The following DACH2 variants were observed in gnomAD, a reference collection of about 807,000 sequenced individuals.
DACH2 encodes the protein dachshund family transcription factor 2, also known as dachshund homolog 2.
Under a neutral mutation model 35.8 loss-of-function variants are expected in DACH2, and 17 were observed. The observed-to-expected ratio is 0.48, with a 90% CI of 0.33 to 0.71. The LOEUF is 0.71. Among genes scored for constraint, DACH2 ranks in the 30% least tolerant of loss-of-function variants. DACH2 has a pLI of 0.02. For synonymous variants in DACH2, 195 were observed against 177.3 expected (o/e 1.10, Z -0.79); for missense variants, 469 against 472.7 (o/e 0.99, Z 0.07).
At chrX:86,593,304 A>T (rs1205638373) in intron 3 of DACH2, among the ~76,000 whole-genome samples, 2 of 110,413 alleles carry the variant, frequency 1.8e-5, no homozygotes, top group Non-Finnish European at 3.8e-5. Flanking sequence ...TTCTCTTGAT[A>T]TAACTGATTA....
intron 2 of DACH2, among the ~76,000 whole-genome samples, chrX:86,449,703 T>G (rs1345208611): frequency 9.0e-6 from 1 of 111,346 alleles, no homozygotes; most frequent in Non-Finnish European, 1.9e-5. Context: ...ATAAAAAACA[T>G]CTTACAGATA....
intron 6 of DACH2, 68 bp from the exon 7 acceptor site, chrX:86,739,679 A>C: frequency 1.8e-6 from 2 of 1,132,160 alleles, no homozygotes. Flanking sequence ...TTTCAAATGT[A>C]GAGACTCAAC....
chrX:86,745,109 A>G (rs1291966703), intron 7 of DACH2, among the ~76,000 whole-genome samples: 1 of 111,655 alleles, frequency 9.0e-6, no homozygotes, highest in Non-Finnish European at 1.9e-5. Flanking sequence ...GAAATAGTGG[A>G]ACAATAAATT....
chrX:86,430,672 C>A (rs1029939053), intron 2 of DACH2, among the ~76,000 whole-genome samples: 1 of 111,951 alleles, frequency 8.9e-6, no homozygotes, highest in South Asian at 3.7e-4. Context: ...TGCCTATTAT[C>A]GTACTGGTCA....
At chrX:86,150,501 A>G (rs1361022798) in intron 1 of DACH2, among the ~76,000 whole-genome samples, 1 of 111,951 alleles carries the variant, frequency 8.9e-6, no homozygotes, top group Non-Finnish European at 1.9e-5. Context: ...CTTACAAGGG[A>G]AGCTTTTTCC....
intron 3 of DACH2, among the ~76,000 whole-genome samples, chrX:86,539,417 CA>C (rs752716639): frequency 9.0e-6 from 1 of 111,689 alleles, no homozygotes; most frequent in African/African-American, 3.2e-5. Context: ...CTAATACAGA[CA>C]CCTTCCAGAA....
At chrX:86,466,072 G>A (rs1169460700) in intron 2 of DACH2, among the ~76,000 whole-genome samples, 1 of 111,558 alleles carries the variant, frequency 9.0e-6, no homozygotes, top group Non-Finnish European at 1.9e-5. Context: ...GGAAAAACAG[G>A]TTTAATTAGA....
At chrX:86,383,515 A>T (rs909838607) in intron 2 of DACH2, among the ~76,000 whole-genome samples, 2 of 103,097 alleles carry the variant, frequency 1.9e-5, no homozygotes, top group Non-Finnish European at 4.0e-5. Flanking sequence ...CTTTTATCAG[A>T]AAAAGTCAAA....
chrX:86,660,357 T>C (rs1252025602), intron 4 of DACH2, among the ~76,000 whole-genome samples: 2 of 111,878 alleles, frequency 1.8e-5, no homozygotes, highest in Non-Finnish European at 3.8e-5. Flanking sequence ...TTATCCAGCA[T>C]ACTGTTCCCT....
chrX:86,812,048 C>T (rs950903845), intron 7 of DACH2, among the ~76,000 whole-genome samples: 1 of 111,663 alleles, frequency 9.0e-6, no homozygotes, highest in African/African-American at 3.3e-5. Context: ...ACACTGGAAA[C>T]AATCCAAATA....
chrX:86,553,778 C>T (rs924876153), intron 3 of DACH2, among the ~76,000 whole-genome samples: 3 of 111,809 alleles, frequency 2.7e-5, no homozygotes, highest in African/African-American at 9.8e-5. Flanking sequence ...CTGATTCCTA[C>T]CTACTTCCAG....
chrX:86,788,222 T>C (rs1464417301), intron 7 of DACH2, among the ~76,000 whole-genome samples: 2 of 111,152 alleles, frequency 1.8e-5, no homozygotes, highest in Non-Finnish European at 3.8e-5. Context: ...TGCCTCTTAG[T>C]GTGCATGCTT....
chrX:86,371,200 A>G (rs912650793), intron 1 of DACH2, among the ~76,000 whole-genome samples: 4 of 110,665 alleles, frequency 3.6e-5, no homozygotes, highest in Admixed American at 2.9e-4. Flanking sequence ...ATATATAACC[A>G]AAAACCCTAT....
chrX:86,572,671 G>A (rs1392409262), intron 3 of DACH2, among the ~76,000 whole-genome samples: 1 of 111,384 alleles, frequency 9.0e-6, no homozygotes, highest in African/African-American at 3.3e-5. Flanking sequence ...TTTTGTAGAT[G>A]CCCATTTTCA....
At chrX:86,247,702 A>G (rs921390505) in intron 1 of DACH2, among the ~76,000 whole-genome samples, 1 of 111,553 alleles carries the variant, frequency 9.0e-6, no homozygotes, top group Non-Finnish European at 1.9e-5. Context: ...TGAGGCCAGC[A>G]TCATTCTGAT....
At chrX:86,764,446 T>G (rs2041912744) in intron 7 of DACH2, among the ~76,000 whole-genome samples, 1 of 111,583 alleles carries the variant, frequency 9.0e-6, no homozygotes, top group Non-Finnish European at 1.9e-5. Flanking sequence ...GCATGCAGTG[T>G]TTGGCTCCAA....
intron 6 of DACH2, among the ~76,000 whole-genome samples, chrX:86,718,123 C>T (rs756694694): frequency 9.0e-6 from 1 of 111,081 alleles, no homozygotes; most frequent in South Asian, 3.7e-4. Flanking sequence ...TTTTTACCAA[C>T]AGTGCATAAG....
chrX:86,789,226 G>C (rs950873260), intron 7 of DACH2, among the ~76,000 whole-genome samples: 2 of 111,938 alleles, frequency 1.8e-5, no homozygotes, highest in African/African-American at 3.2e-5. Context: ...AAGGACAGCA[G>C]CTCCCATGAG....
intron 1 of DACH2, among the ~76,000 whole-genome samples, chrX:86,342,593 T>C (rs1169006364): frequency 3.6e-5 from 4 of 109,640 alleles, no homozygotes; most frequent in Non-Finnish European, 7.6e-5. Flanking sequence ...GATCACTTGA[T>C]GTAAAGAATT....
Sources: allele counts gnomAD v4.1 joint callset (sites outside exome capture counted in the v4.1 genomes callset), GRCh38; gene constraint gnomAD v4.1.1; transcripts MANE v1.5; gene names NCBI Gene and HGNC (gene_info 2026-07-23, HGNC 2026-07-21).